The following CCND3 variants were observed in gnomAD, a reference collection of about 807,000 sequenced individuals.
The protein encoded by CCND3 is G1/S-specific cyclin-D3.
In CCND3, 9 loss-of-function variants were observed where a neutral mutation model predicts 28.7. That is an observed-to-expected ratio of 0.31 (90% CI 0.19 to 0.55). CCND3 has a LOEUF of 0.55. CCND3 is among the 20% of genes least tolerant of loss of function. CCND3 has a pLI of 0.93. For missense variants in CCND3, 315 were observed against 385.8 expected (o/e 0.82, Z 1.54); for synonymous variants, 164 against 163.9 (o/e 1.00, Z 0.00).
intron 1 of CCND3, among the ~76,000 whole-genome samples, chr6:41,989,803 C>G (rs6458259): frequency 0.98 from 149,177 of 152,252 alleles, 73,143 homozygotes; most frequent in East Asian, 1. Flanking sequence ...TATTCTATAA[C>G]CCGGCAGTTA....
At position 42,048,477 on chromosome 6, in the gene CCND3, G is replaced by A. The variant is rs781150106; in HGVS notation, c.-46+24C>T. The A allele has an allele frequency of 6.0e-6, 3 of 499,120 alleles. No homozygotes were observed. Among genetic ancestry groups the A allele is most frequent in the South Asian group, 2.9e-5 (2 of 68,866 alleles). The allele number at this position is 499,120 out of a possible 1,614,324, so 30.9% of individuals were successfully genotyped here. ...CCTGAGCTGACATCCCATCTACCCCGGTTTCTCCAGCACCCAAGCCTACCT... is the reference window on the plus strand; with the variant it reads ...CCTGAGCTGACATCCCATCTACCCCAGTTTCTCCAGCACCCAAGCCTACCT... On this transcript the variant is annotated intron_variant, in intron 1 of 4. Coordinates refer to the CCND3 transcript ENST00000372988. This position sits in a 1 kb window ranked among gnomAD's most constrained non-coding sequence, Gnocchi z 4.7.
chr6:42,032,240 C>G (rs1356183978), intron 1 of CCND3, among the ~76,000 whole-genome samples: 3 of 152,182 alleles, frequency 2.0e-5, no homozygotes, highest in Non-Finnish European at 4.4e-5. Context: ...CACATGCCAC[C>G]ACACCTGACT....
intron 1 of CCND3, among the ~76,000 whole-genome samples, chr6:41,996,448 C>A (rs2080102194): frequency 6.6e-6 from 1 of 151,836 alleles, no homozygotes; most frequent in African/African-American, 2.4e-5. Flanking sequence ...CCGCGCCCAG[C>A]CTGATATATT....
At chr6:42,037,634 G>A (rs1308512550) in intron 1 of CCND3, among the ~76,000 whole-genome samples, 1 of 151,998 alleles carries the variant, frequency 6.6e-6, no homozygotes, top group East Asian at 1.9e-4. Flanking sequence ...TTTTTTATCA[G>A]AAACAAAATA....
chr6:41,959,593 C>G (rs1326742917), intron 1 of CCND3, among the ~76,000 whole-genome samples: 2 of 151,382 alleles, frequency 1.3e-5, no homozygotes, highest in Non-Finnish European at 2.9e-5. Flanking sequence ...GGGGCTGAGG[C>G]AGGAGAATCA....
intron 1 of CCND3, among the ~76,000 whole-genome samples, chr6:41,962,843 C>T (rs540200074): frequency 2.5e-4 from 38 of 152,346 alleles, no homozygotes; most frequent in Non-Finnish European, 3.7e-4. Context: ...CTCCACCTCC[C>T]GGGTTCAAGC....
At chr6:42,010,971 T>C (rs1763329205) in intron 1 of CCND3, 1 of 152,130 alleles carries the variant, frequency 6.6e-6, no homozygotes, top group African/African-American at 2.4e-5. Flanking sequence ...CTGTCCTCCA[T>C]AGAAACACTT....
chr6:41,984,505 C>G (rs1293036020), intron 1 of CCND3, among the ~76,000 whole-genome samples: 1 of 152,168 alleles, frequency 6.6e-6, no homozygotes, highest in Non-Finnish European at 1.5e-5. Context: ...TGCCACTACA[C>G]CCGGCTAATT....
chr6:41,965,500 C>T (rs189999273), intron 1 of CCND3, among the ~76,000 whole-genome samples: 5 of 152,282 alleles, frequency 3.3e-5, no homozygotes, highest in Non-Finnish European at 5.9e-5. Context: ...CAGGAGTGCA[C>T]GCCTCTGGAA....
At chr6:42,019,488 CAAAAAAAAA>C (rs57466823) in intron 1 of CCND3, among the ~76,000 whole-genome samples, 1 of 84,828 alleles carries the variant, frequency 1.2e-5, no homozygotes, top group Non-Finnish European at 2.3e-5. Context: ...GACTCTGTCT[CAAAAAAAAA>C]AAAAAAAAAA....
intron 1 of CCND3, among the ~76,000 whole-genome samples, chr6:42,025,286 G>T (rs1763842023): frequency 6.6e-6 from 1 of 152,196 alleles, no homozygotes; most frequent in Non-Finnish European, 1.5e-5. Context: ...AGGAAGCCAA[G>T]CCCCAGGGAG....
At chr6:42,021,697 A>G (rs1373790586) in intron 1 of CCND3, among the ~76,000 whole-genome samples, 2 of 152,132 alleles carry the variant, frequency 1.3e-5, no homozygotes, top group Admixed American at 1.3e-4. Flanking sequence ...GCATTCCAGG[A>G]AGGGGGACAG....
At chr6:42,012,232 C>T (rs1370422193) in intron 1 of CCND3, among the ~76,000 whole-genome samples, 1 of 152,044 alleles carries the variant, frequency 6.6e-6, no homozygotes, top group Non-Finnish European at 1.5e-5. Flanking sequence ...ATGGCAAAAC[C>T]CCATCTCTAC....
At chr6:41,947,876 T>C (rs1231248358) in intron 1 of CCND3, among the ~76,000 whole-genome samples, 3 of 151,988 alleles carry the variant, frequency 2.0e-5, no homozygotes, top group Admixed American at 2.0e-4. Flanking sequence ...AACCCATCAC[T>C]CTCAGAGGCT....
chr6:41,981,482 CT>C (rs1762344265), intron 1 of CCND3, among the ~76,000 whole-genome samples: 1 of 150,986 alleles, frequency 6.6e-6, no homozygotes, highest in Non-Finnish European at 1.5e-5. Context: ...GGATTATAGG[CT>C]TGAGCCACCA....
rs746409401 is a variant in CCND3, at chr6:41,936,056, G to A, written c.763C>T (p.Leu255Phe). 1.2e-6 allele frequency: 2 copies of A among 1,612,626 alleles called. No individual in the cohort carries two copies. Among genetic ancestry groups the A allele is most frequent in the Non-Finnish European group, 1.7e-6 (2 of 1,179,214 alleles). Reference protein sequence around the residue: ...EQIEAALRESLREASQTSSSP... With the variant: ...EQIEAALRESFREASQTSSSP... ...GAGCTGGTCTGAGAGGCTTCCCTGA[G>A]GCTCTCCCTGAGTGCAGCTTCGATC... Residue 255 changes from leucine to phenylalanine, a missense_variant, in exon 5 of 5, where the codon CTC becomes TTC. Physicochemically the swap from Leu to Phe is conservative, Grantham distance 22. Transcript: ENST00000372991. The surrounding 1 kb of genome is among the most constrained non-coding windows in gnomAD (Gnocchi z 4.4).
intron 1 of CCND3, among the ~76,000 whole-genome samples, chr6:41,969,189 G>C (rs1418149032): frequency 1.3e-5 from 2 of 152,130 alleles, no homozygotes; most frequent in African/African-American, 4.8e-5. Flanking sequence ...AGCACTTTGG[G>C]AGGCTGAGGT....
intron 1 of CCND3, among the ~76,000 whole-genome samples, chr6:42,036,387 ATATATATATATATATATTTT>A (rs1293736279): frequency 5.6e-5 from 2 of 35,650 alleles, no homozygotes; most frequent in African/African-American, 2.1e-4. Context: ...CTATATATAT[ATATATATATATATATATTTT>A]TTTTTTTTTT....
chr6:42,004,688 C>T (rs555691339), intron 1 of CCND3, among the ~76,000 whole-genome samples: 1 of 152,240 alleles, frequency 6.6e-6, no homozygotes, highest in African/African-American at 2.4e-5. Context: ...TGAGACTGCA[C>T]CACTGCACTC....
Sources: allele counts gnomAD v4.1 joint callset (sites outside exome capture counted in the v4.1 genomes callset), GRCh38; gene constraint gnomAD v4.1.1; non-coding constraint Gnocchi (gnomAD v3.1); transcripts MANE v1.5; gene names NCBI Gene and HGNC (gene_info 2026-07-23, HGNC 2026-07-21).